The following TMCC1 variants were observed in gnomAD, a reference collection of about 807,000 sequenced individuals.
The protein encoded by TMCC1 is transmembrane and coiled-coil domains protein 1.
In TMCC1, 15 loss-of-function variants were observed where a neutral mutation model predicts 52.4. The ratio of observed to expected loss-of-function variants is 0.29; its 90% CI spans 0.19 to 0.44. TMCC1 has a LOEUF of 0.44. Ranked by LOEUF, TMCC1 falls within the 20% of genes least tolerant of loss-of-function variation. The pLI, the probability that TMCC1 is intolerant of heterozygous loss-of-function variation, is 1.00. For missense variants in TMCC1, 503 were observed against 806.0 expected (o/e 0.62, Z 4.55); for synonymous variants, 279 against 301.9 (o/e 0.92, Z 0.79).
At chr3:129,884,655 T>C (rs2061609107) in intron 1 of TMCC1, among the ~76,000 whole-genome samples, 2 of 152,272 alleles carry the variant, frequency 1.3e-5, no homozygotes, top group East Asian at 1.9e-4. Context: ...ACAGAGTCTT[T>C]TGAAGAAATA....
Position 129,842,590 on chromosome 3 carries a change from A to G in TMCC1, c.-183-9764T>C, listed in dbSNP as rs145096706. On this transcript the variant is annotated intron_variant, in intron 2 of 6. Transcript: ENST00000393238. ...CATTTGTAGGGCACTCCACTGAACA[A>G]CAGCTGAATATACATTCTTTTCAAG... 2.5e-3 allele frequency among the ~76,000 whole-genome samples: 381 copies of G among 152,334 alleles called. 1 individual carries two copies. In the Middle Eastern group the frequency reaches 0.034, roughly 14 times the overall value.
chr3:129,811,226 G>C (rs2057788441), intron 4 of TMCC1, among the ~76,000 whole-genome samples: 1 of 151,894 alleles, frequency 6.6e-6, no homozygotes, highest in East Asian at 1.9e-4. Flanking sequence ...AAATAGATCA[G>C]AATTAGGATG....
chr3:129,702,888 C>T (rs982636322), intron 4 of TMCC1, among the ~76,000 whole-genome samples: 4 of 152,082 alleles, frequency 2.6e-5, no homozygotes, highest in Admixed American at 6.6e-5. Flanking sequence ...TGATAGCGTG[C>T]GCCTGTAATC....
intron 4 of TMCC1, among the ~76,000 whole-genome samples, chr3:129,716,577 T>C (rs1203528062): frequency 1.3e-5 from 2 of 149,430 alleles, no homozygotes; most frequent in Non-Finnish European, 3.0e-5. Context: ...TCAAACTCCC[T>C]ACCTCAGGTG....
At chr3:129,833,528 C>T (rs1285010203) in intron 2 of TMCC1, among the ~76,000 whole-genome samples, 1 of 152,168 alleles carries the variant, frequency 6.6e-6, no homozygotes, top group Admixed American at 6.5e-5. Flanking sequence ...TATGGCTGCA[C>T]CACTGCCCTC....
chr3:129,702,686 T>C (rs2047925971), intron 4 of TMCC1, among the ~76,000 whole-genome samples: 1 of 152,042 alleles, frequency 6.6e-6, no homozygotes, highest in South Asian at 2.1e-4. Context: ...TTATGAAAAA[T>C]AAACATTTTC....
intron 4 of TMCC1, among the ~76,000 whole-genome samples, chr3:129,808,226 T>C (rs2057578237): frequency 6.6e-6 from 1 of 152,112 alleles, no homozygotes; most frequent in South Asian, 2.1e-4. Flanking sequence ...CTCACGCCTG[T>C]AATCCCAGCA....
intron 4 of TMCC1, among the ~76,000 whole-genome samples, chr3:129,735,047 G>A (rs989626792): frequency 1.3e-5 from 2 of 151,718 alleles, no homozygotes; most frequent in South Asian, 2.1e-4. Context: ...GACTACAGGC[G>A]CCCGCCACCA....
At chr3:129,826,613 AC>A (rs1417329676) in intron 4 of TMCC1, among the ~76,000 whole-genome samples, 1 of 152,114 alleles carries the variant, frequency 6.6e-6, no homozygotes, top group Non-Finnish European at 1.5e-5. Context: ...AAAGTGATTT[AC>A]TGTCCATTAT....
rs549349959 is a variant in TMCC1 at position 129,766,270 on chromosome 3, A to G, written c.576+61533T>C. On this transcript the variant is annotated intron_variant, in intron 4 of 6. Transcript: ENST00000393238. ...AGAGAAGACTGACACAAAGATAAGG[A>G]GACAGCAACGCCCTGATGTGTTGAG... Among the ~76,000 whole-genome samples, 10 of 152,330 alleles carry G rather than the reference A, an allele frequency of 6.6e-5. No homozygotes were observed. In the South Asian group the frequency reaches 1.9e-3, roughly 28 times the overall value.
At chr3:129,724,093 A>G (rs967081528) in intron 4 of TMCC1, among the ~76,000 whole-genome samples, 5 of 152,146 alleles carry the variant, frequency 3.3e-5, no homozygotes, top group Non-Finnish European at 7.4e-5. Context: ...GACTTACTCC[A>G]GCCCTGTGAG....
At chr3:129,693,381 C>T (rs2047164309) in intron 4 of TMCC1, among the ~76,000 whole-genome samples, 1 of 151,928 alleles carries the variant, frequency 6.6e-6, no homozygotes, top group Non-Finnish European at 1.5e-5. Flanking sequence ...ATTGTAGTAC[C>T]TTATCTTTTA....
At chr3:129,868,158 G>A (rs1257738585) in intron 2 of TMCC1, among the ~76,000 whole-genome samples, 1 of 152,074 alleles carries the variant, frequency 6.6e-6, no homozygotes, top group African/African-American at 2.4e-5. Flanking sequence ...ATACAAGCAG[G>A]AAAGAATTTG....
intron 4 of TMCC1, among the ~76,000 whole-genome samples, chr3:129,804,449 T>G (rs1386206386): frequency 6.6e-6 from 1 of 152,210 alleles, no homozygotes; most frequent in African/African-American, 2.4e-5. Flanking sequence ...AGGCCTCCCC[T>G]GACCCCTTTG....
At chr3:129,677,955 CTCGCTCTG>C (rs2088602965) in intron 4 of TMCC1, among the ~76,000 whole-genome samples, 1 of 152,220 alleles carries the variant, frequency 6.6e-6, no homozygotes, top group Non-Finnish European at 1.5e-5. Context: ...GAGACAGAGT[CTCGCTCTG>C]TCGCCCAGGC....
At chr3:129,804,301 C>G (rs2057343725) in intron 4 of TMCC1, among the ~76,000 whole-genome samples, 1 of 152,120 alleles carries the variant, frequency 6.6e-6, no homozygotes, top group Admixed American at 6.5e-5. Context: ...AAATACTAAC[C>G]AAAAGAAAGA....
At chr3:129,711,889 C>G (rs965906243) in intron 4 of TMCC1, among the ~76,000 whole-genome samples, 5 of 146,654 alleles carry the variant, frequency 3.4e-5, no homozygotes, top group African/African-American at 1.3e-4. Context: ...ATAATCCCAG[C>G]TACTAAGGAG....
At chr3:129,703,414 A>T (rs2047988018) in intron 4 of TMCC1, among the ~76,000 whole-genome samples, 1 of 152,202 alleles carries the variant, frequency 6.6e-6, no homozygotes, top group Non-Finnish European at 1.5e-5. Context: ...GCTGTTTGAC[A>T]TCATTAAGCT....
intron 1 of TMCC1, among the ~76,000 whole-genome samples, chr3:129,881,752 C>G (rs1218551952): frequency 1.3e-5 from 2 of 152,142 alleles, no homozygotes; most frequent in East Asian, 3.9e-4. Flanking sequence ...TAGCAGCAGT[C>G]AAGACACAGC....
Sources: gnomAD v4.1 joint callset for allele counts (sites outside exome capture counted in the v4.1 genomes callset) on GRCh38, gnomAD v4.1.1 for gene constraint, MANE v1.5 for transcripts, NCBI Gene and HGNC (gene_info 2026-07-23, HGNC 2026-07-21) for gene names.